SYCP2: variants seen among roughly 807,000 people sequenced by gnomAD.
SYCP2 encodes the protein synaptonemal complex protein 2, also known as synaptonemal complex lateral element protein.
In SYCP2, 55 loss-of-function variants were observed where a neutral mutation model predicts 211.3. The observed-to-expected ratio is 0.26, with a 90% CI of 0.21 to 0.33. The LOEUF is 0.33. SYCP2 is among the 10% of genes least tolerant of loss of function. The pLI, the probability that SYCP2 is intolerant of heterozygous loss-of-function variation, is 1.00. For missense variants in SYCP2, 1,731 were observed against 1,752.0 expected (o/e 0.99, Z 0.21); for synonymous variants, 570 against 555.2 (o/e 1.03, Z -0.37).
chr20:59,890,902 G>T (rs1482321889), intron 24 of SYCP2, among the ~76,000 whole-genome samples: 1 of 151,750 alleles, frequency 6.6e-6, no homozygotes, highest in Non-Finnish European at 1.5e-5. Context: ...GAAGTAAATA[G>T]CAGCTAAGAT....
At chr20:59,926,192 A>G (rs1459358570) in intron 2 of SYCP2, among the ~76,000 whole-genome samples, 1 of 152,092 alleles carries the variant, frequency 6.6e-6, no homozygotes, top group African/African-American at 2.4e-5. Context: ...ACAAGAAGAA[A>G]AATGTTTGCT....
intron 24 of SYCP2, among the ~76,000 whole-genome samples, chr20:59,889,491 G>A (rs761317900): frequency 1.1e-4 from 16 of 151,644 alleles, no homozygotes; most frequent in African/African-American, 2.9e-4. Context: ...AAAGATATGA[G>A]GTCTCCTGAT....
At chr20:59,926,026 T>C (rs140477592) in intron 2 of SYCP2, among the ~76,000 whole-genome samples, 180 of 152,124 alleles carry the variant, frequency 1.2e-3, no homozygotes, top group Non-Finnish European at 2.1e-3. Flanking sequence ...AAACAAACTT[T>C]AGAAGTAACA....
intron 3 of SYCP2, among the ~76,000 whole-genome samples, chr20:59,921,951 T>TA (rs1400891794): frequency 1.3e-5 from 2 of 151,642 alleles, no homozygotes; most frequent in Non-Finnish European, 3.0e-5. Context: ...CTGCCATCCT[T>TA]GCTATTAAAG....
intron 44 of SYCP2, among the ~76,000 whole-genome samples, chr20:59,865,058 TGC>T (rs2059302003): frequency 6.6e-6 from 1 of 152,038 alleles, no homozygotes; most frequent in African/African-American, 2.4e-5. Flanking sequence ...AGTTTTGTCC[TGC>T]CATATTTTCT....
rs1168189491 is a variant in SYCP2 at position 59,881,077 on chromosome 20, AGGT to A, written c.2715-57_2715-55del. The A allele has an allele frequency of 9.6e-6, 10 of 1,045,660 alleles. No individual in the cohort carries two copies. The African/African-American group carries it at 1.5e-4, about 15-fold the overall frequency. 64.8% of individuals were successfully genotyped at this position (1,045,660 alleles called of 1,614,324 possible). A position where few individuals can be genotyped will look rare whatever the true frequency, so the allele number is the denominator to read the frequency against. ...AATACCCTTCATACTTGTTTTCTTA[AGGT>A]AATACACAATGGACAATTAGACCTG... On this transcript the variant is annotated intron_variant, in intron 29 of 44. Transcript: ENST00000357552.
intron 31 of SYCP2, among the ~76,000 whole-genome samples, chr20:59,879,808 AGTAAAT>A: frequency 9.8e-6 from 1 of 102,012 alleles, no homozygotes; most frequent in Non-Finnish European, 1.9e-5. Context: ...TGGGATATTT[AGTAAAT>A]ATAAATAAAT....
In SYCP2 at chr20:59,866,572, C is replaced by G. The variant is rs1312764159; in HGVS notation, c.4143G>C (p.Leu1381Phe). The change falls in exon 40 of 45, where the codon TTG becomes TTC. Residue 1381 changes from leucine to phenylalanine, a missense_variant. By Grantham distance (22) the Leu-to-Phe change is conservative. Coordinates refer to ENST00000357552, the MANE Select transcript of SYCP2 (RefSeq NM_014258.4). ...TCCAAGACTGCGTAGTAAAATAACT[C>G]AACATTTTATGTCGGATCTGAAAAA... ...KRRNNIRHKM[L>F]SYFTTQSWKT... The G allele has an allele frequency of 6.3e-7, 1 of 1,596,976 alleles. No homozygotes were observed. The highest frequency in any genetic ancestry group is 1.8e-5 in the Admixed American group (1 of 55,884).
At chr20:59,881,861 T>A (rs1377657922) in intron 28 of SYCP2, 84 bp downstream of exon 28, 11 of 1,113,424 alleles carry the variant, frequency 9.9e-6, no homozygotes, top group Non-Finnish European at 1.5e-5. Context: ...AGGATGCACA[T>A]TAAAAACATT....
intron 1 of SYCP2, among the ~76,000 whole-genome samples, 154 bp from the exon 2 acceptor site, chr20:59,932,308 C>G (rs1035440203): frequency 6.6e-6 from 1 of 152,162 alleles, no homozygotes; most frequent in Admixed American, 6.5e-5. Context: ...TGGTAACTAA[C>G]ATAGCTAAGG....
rs1356121127 is a variant in SYCP2, at chr20:59,910,543, G to T, written c.972+1207C>A. Among the ~76,000 whole-genome samples, 54 of 151,542 alleles carry T rather than the reference G, an allele frequency of 3.6e-4. 1 individual carries two copies. The highest frequency in any genetic ancestry group is 1.2e-4 in the Non-Finnish European group (8 of 67,900). ...CTACAGGCGCCTGCCACCACGCCCA[G>T]CTTATTTTTGTATTTTTAGTAGAGG... is the stretch of plus-strand genomic sequence containing the variant. On this transcript the variant is annotated intron_variant, in intron 14 of 44. Coordinates refer to ENST00000357552, the MANE Select transcript of SYCP2 (RefSeq NM_014258.4).
intron 33 of SYCP2, among the ~76,000 whole-genome samples, chr20:59,876,731 G>A (rs1235119345): frequency 6.6e-6 from 1 of 151,890 alleles, no homozygotes; most frequent in African/African-American, 2.4e-5. Flanking sequence ...GCTTAATATA[G>A]CAGTTGACAC....
chr20:59,900,656 T>G, intron 17 of SYCP2, 88 bp downstream of exon 17: 1 of 963,262 alleles, frequency 1.0e-6, no homozygotes, highest in Non-Finnish European at 1.6e-6. Flanking sequence ...TTCTATATAT[T>G]CACCCTCCAA....
In SYCP2 at chr20:59,899,399, A is replaced by C. The variant is rs1188154461; in HGVS notation, c.1404+739T>G. On this transcript the variant is annotated intron_variant, in intron 18 of 44. Transcript: ENST00000357552. ...GACATACAAATGGAAATACAGAAAA[A>C]CAAGTAGAGATGCAGCTATAGAATT... Among the ~76,000 whole-genome samples the C allele has an allele frequency of 9.8e-5, 15 of 152,316 alleles. No individual in the cohort carries two copies. In the East Asian group the frequency reaches 2.7e-3, roughly 27 times the overall value.
intron 2 of SYCP2, among the ~76,000 whole-genome samples, chr20:59,925,407 AAAG>A (rs2060616437): frequency 6.6e-6 from 1 of 152,080 alleles, no homozygotes; most frequent in South Asian, 2.1e-4. Context: ...GGATTTAACA[AAAG>A]AAAGAACTCT....
At chr20:59,915,305 TATC>T (rs2060416301) in intron 9 of SYCP2, 106 bp from the exon 10 acceptor site, 1 of 1,042,206 alleles carries the variant, frequency 9.6e-7, no homozygotes, top group African/African-American at 1.6e-5. Flanking sequence ...AATTGGCTAA[TATC>T]ATCGACTTTT....
chr20:59,864,561 T>A (rs1244084538), intron 44 of SYCP2, among the ~76,000 whole-genome samples, 173 bp from the exon 45 acceptor site: 1 of 152,020 alleles, frequency 6.6e-6, no homozygotes, highest in Admixed American at 6.6e-5. Flanking sequence ...AATTCTGTGA[T>A]CATTACTGAT....
At chr20:59,864,515 G>A in intron 44 of SYCP2, 127 bp from the exon 45 acceptor site, 2 of 632,884 alleles carry the variant, frequency 3.2e-6, no homozygotes, top group Non-Finnish European at 5.5e-6. Flanking sequence ...CTTTCATGAA[G>A]ATATTGCATT....
At chr20:59,897,265 T>C (rs991894799) in intron 18 of SYCP2, among the ~76,000 whole-genome samples, 4 of 152,130 alleles carry the variant, frequency 2.6e-5, no homozygotes, top group African/African-American at 9.7e-5. Flanking sequence ...TGAGTGGGTA[T>C]GTATATGAAA....
Sources: allele counts gnomAD v4.1 joint callset (sites outside exome capture counted in the v4.1 genomes callset), GRCh38; gene constraint gnomAD v4.1.1; transcripts MANE v1.5; gene names NCBI Gene and HGNC (gene_info 2026-07-23, HGNC 2026-07-21).